MYRIP: variants seen among roughly 807,000 people sequenced by gnomAD.
MYRIP encodes the protein myosin VIIA and Rab interacting protein, also known as rab effector MyRIP.
A neutral mutation model predicts 98.0 loss-of-function variants in MYRIP; 49 were observed. The observed-to-expected ratio is 0.50, with a 90% confidence interval of 0.40 to 0.63. The LOEUF (loss-of-function observed/expected upper bound fraction) is 0.63, where lower values mean the gene tolerates loss of function less well. Among genes scored for constraint, MYRIP ranks in the 30% least tolerant of loss-of-function variants. The pLI is 0.00. For synonymous variants in MYRIP, 404 were observed against 409.5 expected (o/e 0.99, Z 0.16); for missense variants, 1,004 against 1,058.2 (o/e 0.95, Z 0.71).
At position 39,996,438 on chromosome 3, in the gene MYRIP, G is replaced by A. The variant is rs368831304; in HGVS notation, c.111-47612G>A. Among the ~76,000 whole-genome samples, 5 of 152,274 alleles carry A rather than the reference G, an allele frequency of 3.3e-5. No individual in the cohort carries two copies. The East Asian group carries it at 7.7e-4, about 23-fold the overall frequency. On this transcript the variant is annotated intron_variant, in intron 2 of 16. Coordinates refer to ENST00000302541, the MANE Select transcript of MYRIP (RefSeq NM_015460.4). ...ACAAAGATCAAAGGAGACAAAGAAG[G>A]CCATTACAAAATGGTAAAGAGATCA...
chr3:40,049,634 A>G (rs548820260), intron 3 of MYRIP, among the ~76,000 whole-genome samples: 187 of 149,124 alleles, frequency 1.3e-3, no homozygotes, highest in African/African-American at 4.5e-3. Flanking sequence ...TAAGTGTTCA[A>G]AAAAAAAAAG....
At chr3:39,855,608 G>A (rs1327671252) in intron 1 of MYRIP, among the ~76,000 whole-genome samples, 1 of 152,064 alleles carries the variant, frequency 6.6e-6, no homozygotes, top group Non-Finnish European at 1.5e-5. Context: ...TGCCAGGGAG[G>A]TGGGGCAAGA....
At chr3:40,231,447 T>C (rs1236167870) in intron 11 of MYRIP, among the ~76,000 whole-genome samples, 2 of 152,174 alleles carry the variant, frequency 1.3e-5, no homozygotes, top group Admixed American at 1.3e-4. Flanking sequence ...CCGTGGGGAA[T>C]GTAGAGAACT....
intron 10 of MYRIP, among the ~76,000 whole-genome samples, chr3:40,208,732 G>T (rs559018176): frequency 6.6e-6 from 1 of 152,272 alleles, no homozygotes; most frequent in African/African-American, 2.4e-5. Flanking sequence ...CCCTTCCGCA[G>T]GGAAGTTTTC....
chr3:39,941,919 A>G (rs938675588), intron 2 of MYRIP, among the ~76,000 whole-genome samples: 1 of 144,260 alleles, frequency 6.9e-6, no homozygotes, highest in Non-Finnish European at 1.5e-5. Context: ...ACACACCACC[A>G]AGTTGGATTT....
chr3:40,048,507 T>A (rs1947717755), intron 3 of MYRIP, among the ~76,000 whole-genome samples: 1 of 152,122 alleles, frequency 6.6e-6, no homozygotes, highest in African/African-American at 2.4e-5. Context: ...TGGGGCTGTC[T>A]ATTGTACAGC....
At chr3:40,099,992 C>G in intron 3 of MYRIP, 1 of 985,212 alleles carries the variant, frequency 1.0e-6, no homozygotes, top group Non-Finnish European at 1.2e-6. Flanking sequence ...TCCGTCACCT[C>G]CCTTCTGAAA....
chr3:40,170,101 C>T lies in MYRIP; in HGVS notation c.873+8C>T, dbSNP rs897556712. On this transcript the variant is annotated splice_region_variant and intron_variant, in intron 8 of 16. Coordinates refer to ENST00000302541, the MANE Select transcript of MYRIP (RefSeq NM_015460.4). ...GCTCCCGCTGCCCTCTGGGTGAGTC[C>T]CCAAGCAGTGCTGGTCTACCCTCCA... The T allele has an allele frequency of 1.2e-6, 2 of 1,613,862 alleles. No individual in the cohort carries two copies. The highest frequency in any genetic ancestry group is 2.2e-5 in the South Asian group (2 of 91,066).
chr3:40,195,131 C>A (rs1395339326), intron 10 of MYRIP, among the ~76,000 whole-genome samples: 1 of 152,200 alleles, frequency 6.6e-6, no homozygotes, highest in Non-Finnish European at 1.5e-5. Context: ...CCCTTAGTGA[C>A]CTGCTTCCAG....
chr3:39,946,896 C>G (rs1022295340), intron 2 of MYRIP, among the ~76,000 whole-genome samples: 2 of 152,052 alleles, frequency 1.3e-5, no homozygotes, highest in African/African-American at 4.8e-5. Context: ...AAATATATCA[C>G]CCACTAGAAG....
chr3:40,187,622 C>G (rs757523690), intron 9 of MYRIP, among the ~76,000 whole-genome samples: 7 of 152,198 alleles, frequency 4.6e-5, no homozygotes, highest in African/African-American at 9.7e-5. Flanking sequence ...CCTCTGGCTT[C>G]GAGACCACTG....
intron 11 of MYRIP, among the ~76,000 whole-genome samples, chr3:40,217,876 A>G (rs2125678115): frequency 6.6e-6 from 1 of 152,288 alleles, no homozygotes; most frequent in South Asian, 2.1e-4. Flanking sequence ...AATAAAAATT[A>G]CCAATATTAG....
intron 2 of MYRIP, among the ~76,000 whole-genome samples, chr3:40,033,451 G>A (rs1055631496): frequency 2.0e-5 from 3 of 152,120 alleles, no homozygotes; most frequent in African/African-American, 7.2e-5. Context: ...CCCAAATCAT[G>A]AGTGAACTCC....
At chr3:39,966,987 G>A (rs1334508597) in intron 2 of MYRIP, among the ~76,000 whole-genome samples, 2 of 152,178 alleles carry the variant, frequency 1.3e-5, no homozygotes, top group African/African-American at 4.8e-5. Flanking sequence ...CTCCAAGCAT[G>A]TGAACCTGAA....
chr3:39,962,479 A>G (rs1250664782), intron 2 of MYRIP, among the ~76,000 whole-genome samples: 1 of 151,710 alleles, frequency 6.6e-6, no homozygotes, highest in African/African-American at 2.4e-5. Flanking sequence ...CACTTGTTCA[A>G]TGAAGGGATG....
chr3:39,817,134 A>C (rs1213623992), intron 1 of MYRIP, among the ~76,000 whole-genome samples: 1 of 152,226 alleles, frequency 6.6e-6, no homozygotes, highest in African/African-American at 2.4e-5. Context: ...ATCTTGCAAA[A>C]GATGGAGAAC....
At chr3:40,235,730 C>T (rs1335687347) in intron 12 of MYRIP, among the ~76,000 whole-genome samples, 1 of 152,150 alleles carries the variant, frequency 6.6e-6, no homozygotes, top group Non-Finnish European at 1.5e-5. Context: ...TTCCCAGGTG[C>T]CAGGTCCTTT....
In MYRIP at chr3:39,924,692, A is replaced by G. The variant is rs1944379142; in HGVS notation, c.110+23766A>G. Among the ~76,000 whole-genome samples, 3 of 152,104 alleles carry G rather than the reference A, an allele frequency of 2.0e-5. No homozygotes were observed. The East Asian group carries it at 5.8e-4, about 29-fold the overall frequency. On this transcript the variant is annotated intron_variant, in intron 2 of 16. Coordinates refer to ENST00000302541, the MANE Select transcript of MYRIP (RefSeq NM_015460.4). ...ACAGCAGAACTCAAATGGCAACAGA[A>G]TATATATTGAGACCATATTCTGGGC...
At chr3:39,827,482 C>T (rs893287835) in intron 1 of MYRIP, among the ~76,000 whole-genome samples, 3 of 152,130 alleles carry the variant, frequency 2.0e-5, no homozygotes, top group African/African-American at 7.2e-5. Flanking sequence ...TGTTTACATT[C>T]AAATTATTAT....
Sources: allele counts gnomAD v4.1 joint callset (sites outside exome capture counted in the v4.1 genomes callset), GRCh38; gene constraint gnomAD v4.1.1; transcripts MANE v1.5; gene names NCBI Gene and HGNC (gene_info 2026-07-23, HGNC 2026-07-21).